Variants in DOCK7 observed in about 807,000 individuals in gnomAD.
DOCK7 encodes dedicator of cytokinesis protein 7.
In DOCK7, 138 loss-of-function variants were observed where a neutral mutation model predicts 271.0. The observed-to-expected ratio is 0.51, with a 90% confidence interval of 0.44 to 0.59. The LOEUF (loss-of-function observed/expected upper bound fraction) is 0.59. DOCK7 is among the 20% of genes least tolerant of loss of function. The pLI is 0.00. For synonymous variants in DOCK7, 823 were observed against 876.1 expected, an observed-to-expected ratio of 0.94 and a Z score of 1.07; for missense variants, 2,066 against 2,592.4, an observed-to-expected ratio of 0.80 and a Z score of 4.41.
intron 4 of DOCK7, among the ~76,000 whole-genome samples, chr1:62,652,859 C>T (rs1657552314): frequency 6.6e-6 from 1 of 152,132 alleles, no homozygotes; most frequent in South Asian, 2.1e-4. Flanking sequence ...TAAAGGGCAG[C>T]AGACTGTGCT....
chr1:62,543,742 T>C lies in DOCK7; in HGVS notation c.2863A>G (p.Met955Val), dbSNP rs768506804. The change falls in exon 24 of 50, where the codon ATG (methionine) becomes GTG (valine). Residue 955 changes from methionine (M) to valine (V), a missense_variant. Met to Val is a conservative substitution (Grantham distance 21). This residue lies in a region of DOCK7 where 1,414 missense variants were observed against 1,670.4 expected (regional missense o/e 0.85). Transcript: ENST00000635253. ...GACATACGATTACAACTTCGATCCA[T>C]AGCCTATGGAGTGAAGATGAATGAA... ...PSPSAESTQA[M>V]DRSCNRMSSH... 14 of 1,589,508 alleles carry C rather than the reference T, an allele frequency of 8.8e-6. No homozygotes were observed. The highest frequency in any genetic ancestry group is 1.1e-5 in the Non-Finnish European group (13 of 1,162,166).
At chr1:62,653,597 C>A in intron 4 of DOCK7, 128 bp downstream of exon 4, 2 of 636,944 alleles carry the variant, frequency 3.1e-6, no homozygotes, top group Non-Finnish European at 5.5e-6. Context: ...CACAAAAGTT[C>A]TTCTTTTGTT....
chr1:62,513,661 T>G, intron 32 of DOCK7, 55 bp from the exon 33 acceptor site: 1 of 1,603,158 alleles, frequency 6.2e-7, no homozygotes, highest in Middle Eastern at 1.7e-4. Context: ...CTTCTATTTT[T>G]TCCACATTAT....
chr1:62,501,577 T>C (rs2149314399), intron 37 of DOCK7, among the ~76,000 whole-genome samples: 1 of 152,232 alleles, frequency 6.6e-6, no homozygotes, highest in East Asian at 1.9e-4. Context: ...CACTGTTCAT[T>C]AAAGGGAGTT....
chr1:62,485,608 C>T (rs900168446), intron 43 of DOCK7: 9 of 985,148 alleles, frequency 9.1e-6, no homozygotes, highest in Admixed American at 6.2e-5. Flanking sequence ...AACAAAATTA[C>T]TGAAGTTTTC....
chr1:62,622,612 G>A (rs1038048687), intron 12 of DOCK7, among the ~76,000 whole-genome samples: 1 of 151,982 alleles, frequency 6.6e-6, no homozygotes, highest in Non-Finnish European at 1.5e-5. Context: ...CACCAACATG[G>A]CCGGCTAATA....
chr1:62,518,024 A>G (rs141126175), intron 31 of DOCK7, among the ~76,000 whole-genome samples: 13 of 152,356 alleles, frequency 8.5e-5, no homozygotes, highest in Admixed American at 2.0e-4. Context: ...AACTATACAT[A>G]TCAACATAAA....
chr1:62,640,241 C>T (rs548937889), intron 7 of DOCK7, among the ~76,000 whole-genome samples: 2 of 152,168 alleles, frequency 1.3e-5, no homozygotes, highest in East Asian at 1.9e-4. Flanking sequence ...GGGCTGGGCA[C>T]GGTGGCTCAC....
intron 22 of DOCK7, among the ~76,000 whole-genome samples, chr1:62,546,436 C>T (rs11207983): frequency 0.59 from 88,960 of 151,792 alleles, 27,642 homozygotes; most frequent in East Asian, 0.76. Context: ...TTGACAGTGA[C>T]TGTCTAATAT....
chr1:62,621,424 T>C (rs1186049840), intron 12 of DOCK7, among the ~76,000 whole-genome samples: 1 of 152,230 alleles, frequency 6.6e-6, no homozygotes, highest in Non-Finnish European at 1.5e-5. Context: ...ATTTTATCAA[T>C]CCAATCTTCC....
In DOCK7 at chr1:62,475,226, T is replaced by C. The variant is rs1458059222; in HGVS notation, c.6087A>G (p.Val2029=). Residue 2029 remains valine (V), a synonymous_variant, in exon 47 of 50, where the codon GTA becomes GTG. Coordinates refer to ENST00000635253, the MANE Select transcript of DOCK7 (RefSeq NM_001367561.1). ...CACTAACCTGATTCACTGTGGTGCCTACAGATCCCTGGAGTACCATCTGAA... is the reference window on the plus strand; with the variant it reads ...CACTAACCTGATTCACTGTGGTGCCCACAGATCCCTGGAGTACCATCTGAA... ...KMLQMVLQGS[V]GTTVNQGPLE... The C allele has an allele frequency of 1.2e-6, 2 of 1,613,812 alleles. No individual in the cohort carries two copies. Among genetic ancestry groups the C allele is most frequent in the Non-Finnish European group, 1.7e-6 (2 of 1,179,878 alleles).
At chr1:62,520,619 A>T (rs1644819171) in intron 31 of DOCK7, among the ~76,000 whole-genome samples, 1 of 152,160 alleles carries the variant, frequency 6.6e-6, no homozygotes, top group Admixed American at 6.5e-5. Context: ...GCTGGAAAGG[A>T]TGTGGAGAAA....
At chr1:62,561,128 C>A (rs1646308634) in intron 19 of DOCK7, among the ~76,000 whole-genome samples, 1 of 152,086 alleles carries the variant, frequency 6.6e-6, no homozygotes, top group African/African-American at 2.4e-5. Flanking sequence ...CATGGAAGGC[C>A]TCTCTGAGGG....
At chr1:62,579,619 T>C (rs1467010548) in intron 16 of DOCK7, among the ~76,000 whole-genome samples, 2 of 148,040 alleles carry the variant, frequency 1.4e-5, no homozygotes, top group East Asian at 4.0e-4. Context: ...AGAGGATCAC[T>C]TGAGTCCAGG....
intron 2 of DOCK7, among the ~76,000 whole-genome samples, chr1:62,657,349 CAAGT>C (rs1469221967): frequency 6.6e-6 from 1 of 152,112 alleles, no homozygotes; most frequent in Non-Finnish European, 1.5e-5. Flanking sequence ...CAAAAGAAGA[CAAGT>C]AAGAAATCTG....
At chr1:62,459,681 T>G (rs1168445434) in intron 48 of DOCK7, among the ~76,000 whole-genome samples, 1 of 152,004 alleles carries the variant, frequency 6.6e-6, no homozygotes, top group South Asian at 2.1e-4. Flanking sequence ...ATGGCAATAA[T>G]CCTAAAATAA....
Position 62,513,705 on chromosome 1 carries a change from T to C in DOCK7, c.4119+11A>G. 2.5e-6 allele frequency: 4 copies of C among 1,612,852 alleles called. No homozygotes were observed. Among genetic ancestry groups the C allele is most frequent in the Non-Finnish European group, 3.4e-6 (4 of 1,179,622 alleles). ...TTTCTTGTTCTTTGCAATGGTACAA[T>C]GACCACTTACTTTATACTCAAAGCA... On this transcript the variant is annotated intron_variant, in intron 32 of 49. Transcript: ENST00000635253.
intron 29 of DOCK7, among the ~76,000 whole-genome samples, chr1:62,533,759 T>G (rs1461915500): frequency 1.3e-5 from 2 of 152,228 alleles, no homozygotes; most frequent in African/African-American, 4.8e-5. Context: ...ACTATGCCCC[T>G]GACATACTGC....
At chr1:62,585,717 C>T (rs1289110091) in intron 15 of DOCK7, among the ~76,000 whole-genome samples, 1 of 152,172 alleles carries the variant, frequency 6.6e-6, no homozygotes, top group African/African-American at 2.4e-5. Flanking sequence ...GGTTTCAGCA[C>T]AAAAGTACCT....
Sources: allele counts gnomAD v4.1 joint callset (sites outside exome capture counted in the v4.1 genomes callset), GRCh38; gene constraint gnomAD v4.1.1; regional missense constraint gnomAD v4.1.1; transcripts MANE v1.5; gene names NCBI Gene and HGNC (gene_info 2026-07-23, HGNC 2026-07-21).